The following PDS5B variants were observed in gnomAD, a reference collection of about 807,000 sequenced individuals.
PDS5B encodes PDS5 cohesin associated factor B.
In PDS5B, 51 loss-of-function variants were observed where a neutral mutation model predicts 184.1. The ratio of observed to expected loss-of-function variants is 0.28; its 90% confidence interval spans 0.22 to 0.35. The LOEUF is 0.35. Among genes scored for constraint, PDS5B ranks in the 10% least tolerant of loss-of-function variants. The probability of loss-of-function intolerance (pLI) is 1.00; values close to 1 mark genes in which losing one functional copy is unlikely to be tolerated. For missense variants in PDS5B, 1,180 were observed against 1,723.3 expected (o/e 0.68, Z 5.58); for synonymous variants, 566 against 569.2 (o/e 0.99, Z 0.08).
intron 1 of PDS5B, among the ~76,000 whole-genome samples, chr13:32,617,540 A>G (rs1394115609): frequency 6.6e-6 from 1 of 152,230 alleles, no homozygotes; most frequent in Non-Finnish European, 1.5e-5. Flanking sequence ...TTTTACAGGT[A>G]TTCAGGGCCC....
At chr13:32,741,516 A>G (rs987073402) in intron 22 of PDS5B, among the ~76,000 whole-genome samples, 1 of 152,158 alleles carries the variant, frequency 6.6e-6, no homozygotes, top group Non-Finnish European at 1.5e-5. Context: ...TTCAGCCTAT[A>G]ATTTATTGAA....
chr13:32,700,711 C>G (rs1185124017), intron 16 of PDS5B, among the ~76,000 whole-genome samples: 1 of 152,072 alleles, frequency 6.6e-6, no homozygotes, highest in African/African-American at 2.4e-5. Context: ...ACCATAGTTT[C>G]TATCTTTAGG....
chr13:32,686,376 A>G (rs571059861), intron 11 of PDS5B, among the ~76,000 whole-genome samples: 1 of 152,238 alleles, frequency 6.6e-6, no homozygotes, highest in East Asian at 1.9e-4. Flanking sequence ...CCTTTAATAC[A>G]TCTTAATTAC....
chr13:32,646,826 T>G (rs548989950), intron 1 of PDS5B, among the ~76,000 whole-genome samples: 1 of 152,152 alleles, frequency 6.6e-6, no homozygotes, highest in African/African-American at 2.4e-5. Flanking sequence ...TTTGGCTAAT[T>G]TGCCCTTATT....
chr13:32,710,984 ATTTTCTTT>A (rs1952185835), intron 19 of PDS5B, among the ~76,000 whole-genome samples: 1 of 150,688 alleles, frequency 6.6e-6, no homozygotes, highest in East Asian at 1.9e-4. Flanking sequence ...CATTATTATT[ATTTTCTTT>A]TTTTCTTTTT....
chr13:32,658,088 T>TA, intron 3 of PDS5B, 151 bp from the exon 4 acceptor site: 1 of 435,228 alleles, frequency 2.3e-6, no homozygotes, highest in South Asian at 5.6e-5. Flanking sequence ...GGTGTACTTT[T>TA]AAAAAATTTT....
chr13:32,590,075 A>G (rs534436056), intron 1 of PDS5B, among the ~76,000 whole-genome samples: 51 of 152,360 alleles, frequency 3.3e-4, no homozygotes, highest in African/African-American at 1.2e-3. Flanking sequence ...TCAAATCTTA[A>G]AGCCTTTGAG....
Position 32,680,595 on chromosome 13 carries a change from T to A in PDS5B, c.1057+1666T>A, listed in dbSNP as rs189231952. Among the ~76,000 whole-genome samples the A allele has an allele frequency of 1.2e-4, 19 of 152,308 alleles. 1 individual carries two copies. The East Asian group carries it at 3.5e-3, about 28-fold the overall frequency. ...GGGGTCCCCCAGTTTAGAGCTACTGTTTTATATTTTTATTATAGTATTTAT... is the reference window on the plus strand; with the variant it reads ...GGGGTCCCCCAGTTTAGAGCTACTGATTTATATTTTTATTATAGTATTTAT... On this transcript the variant is annotated intron_variant, in intron 10 of 34. Coordinates refer to ENST00000315596, the MANE Select transcript of PDS5B (RefSeq NM_015032.4).
In PDS5B at chr13:32,699,809, A is replaced by C; in HGVS notation, c.1680A>C (p.Arg560Ser). ...TQVLEDDEKI[R>S]KQLEVLVSPT... ...TGTTAGAAGATGATGAGAAAATAAG[A>C]AAGCAGTTAGAAGTACTTGTTAGTC... The change falls in exon 16 of 35, where the codon AGA becomes AGC. Residue 560 changes from arginine to serine, a missense_variant. Physicochemically the swap from Arg to Ser is moderately radical, Grantham distance 110. Transcript: ENST00000315596. 6.3e-7 allele frequency: 1 copy of C among 1,584,138 alleles called. No homozygotes were observed. The highest frequency in any genetic ancestry group is 8.6e-7 in the Non-Finnish European group (1 of 1,167,628).
intron 1 of PDS5B, among the ~76,000 whole-genome samples, chr13:32,618,116 G>A (rs1244443668): frequency 3.3e-5 from 5 of 152,168 alleles, no homozygotes; most frequent in Non-Finnish European, 7.3e-5. Context: ...GCCTAATCCT[G>A]TTCATAAGGG....
In PDS5B at chr13:32,760,116, T is replaced by C. The variant is rs531823881; in HGVS notation, c.3372+426T>C. 8.9e-3 allele frequency among the ~76,000 whole-genome samples: 1,351 copies of C among 152,134 alleles called. 12 individuals are homozygous for C. Among genetic ancestry groups the C allele is most frequent in the Middle Eastern group, 0.024 (7 of 294 alleles). On this transcript the variant is annotated intron_variant, in intron 29 of 34. Transcript: ENST00000315596. ...GACTACAGGTGCCTGCCACCACGCC[T>C]GGCTAATTTTTTGTATTTTTAGTAG...
intron 3 of PDS5B, chr13:32,652,216 G>T: frequency 2.3e-6 from 1 of 440,674 alleles, no homozygotes; most frequent in Non-Finnish European, 4.0e-6. Context: ...GATTAATACA[G>T]TGTGTATTTT....
chr13:32,751,456 A>G (rs1235586607), intron 24 of PDS5B, among the ~76,000 whole-genome samples: 1 of 152,216 alleles, frequency 6.6e-6, no homozygotes, highest in East Asian at 1.9e-4. Flanking sequence ...CAATGGCTAA[A>G]CTAATTTACA....
rs537618898 is a variant in PDS5B at position 32,618,027 on chromosome 13, G to A, written c.-19-30727G>A. Among the ~76,000 whole-genome samples the A allele has an allele frequency of 1.9e-3, 290 of 152,284 alleles. 1 individual carries two copies. The highest frequency in any genetic ancestry group is 6.4e-3 in the African/African-American group (268 of 41,562). On this transcript the variant is annotated intron_variant, in intron 1 of 34. Coordinates refer to ENST00000315596, the MANE Select transcript of PDS5B (RefSeq NM_015032.4). ...GCTGCATCCTCCAGAGGTGAATGAT[G>A]CTGTGTTCTCATATGGTGGAAGGAA...
chr13:32,749,834 G>T (rs1343551366), intron 24 of PDS5B, among the ~76,000 whole-genome samples: 2 of 151,872 alleles, frequency 1.3e-5, no homozygotes, highest in Non-Finnish European at 2.9e-5. Flanking sequence ...TTTATCTGGG[G>T]GGGCGGGGAC....
intron 20 of PDS5B, 144 bp from the exon 21 acceptor site, chr13:32,735,028 T>A (rs1169819497): frequency 2.0e-6 from 1 of 494,748 alleles, no homozygotes; most frequent in African/African-American, 2.0e-5. Flanking sequence ...ATACTATGTA[T>A]ATTTATTGAA....
At chr13:32,755,621 A>G (rs1954146174) in intron 25 of PDS5B, among the ~76,000 whole-genome samples, 1 of 152,132 alleles carries the variant, frequency 6.6e-6, no homozygotes, top group Admixed American at 6.5e-5. Flanking sequence ...AATATTGAAC[A>G]TGGTAGATGA....
intron 11 of PDS5B, among the ~76,000 whole-genome samples, chr13:32,686,818 T>C (rs77020720): frequency 6.6e-6 from 1 of 152,182 alleles, no homozygotes; most frequent in African/African-American, 2.4e-5. Flanking sequence ...AGCTTGTTTT[T>C]CTCACCAATT....
chr13:32,597,030 G>C (rs1389483644), intron 1 of PDS5B, among the ~76,000 whole-genome samples: 7 of 151,756 alleles, frequency 4.6e-5, no homozygotes, highest in Non-Finnish European at 1.0e-4. Context: ...ATTGTGCTTT[G>C]AGTTCTTTTT....
Sources: allele counts gnomAD v4.1 joint callset (sites outside exome capture counted in the v4.1 genomes callset), GRCh38; gene constraint gnomAD v4.1.1; transcripts MANE v1.5; gene names NCBI Gene and HGNC (gene_info 2026-07-23, HGNC 2026-07-21).